The following KIAA1217 variants were observed in gnomAD, a reference collection of about 807,000 sequenced individuals.
The protein encoded by KIAA1217 is KIAA1217, also known as sickle tail protein homolog.
KIAA1217 carries 88 observed loss-of-function variants against 163.9 expected under a neutral mutation model. The observed-to-expected ratio is 0.54, with a 90% CI of 0.45 to 0.64. KIAA1217 has a LOEUF of 0.64. Ranked by LOEUF, KIAA1217 falls within the 30% of genes least tolerant of loss-of-function variation. The pLI, the probability that KIAA1217 is intolerant of heterozygous loss-of-function variation, is 0.00. For missense variants in KIAA1217, 2,372 were observed against 2,475.0 expected, an observed-to-expected ratio of 0.96 and a Z score of 0.88; for synonymous variants, 903 against 923.1, an observed-to-expected ratio of 0.98 and a Z score of 0.39.
At chr10:24,312,142 C>A (rs2042780284) in intron 2 of KIAA1217, among the ~76,000 whole-genome samples, 1 of 152,150 alleles carries the variant, frequency 6.6e-6, no homozygotes, top group Non-Finnish European at 1.5e-5. Context: ...GAGATGCCTG[C>A]TCTCTCCCTG....
intron 1 of KIAA1217, among the ~76,000 whole-genome samples, chr10:23,989,486 G>T (rs549421076): frequency 6.6e-6 from 1 of 152,302 alleles, no homozygotes; most frequent in South Asian, 2.1e-4. Flanking sequence ...TGTGTGTTCA[G>T]ATTCTCCTTG....
chr10:23,802,490 C>T (rs756246212), intron 1 of KIAA1217, among the ~76,000 whole-genome samples: 33 of 152,164 alleles, frequency 2.2e-4, no homozygotes, highest in Non-Finnish European at 3.5e-4. Flanking sequence ...AAATTGTACA[C>T]CCAGGTGTCT....
At chr10:24,449,454 C>T (rs770717907) in intron 5 of KIAA1217, 2 of 985,200 alleles carry the variant, frequency 2.0e-6, no homozygotes, top group Non-Finnish European at 2.4e-6. Flanking sequence ...AAACATTTCT[C>T]GTTAGTTCAG....
chr10:23,918,763 C>T (rs1339218981), intron 1 of KIAA1217, among the ~76,000 whole-genome samples: 1 of 151,756 alleles, frequency 6.6e-6, no homozygotes, highest in African/African-American at 2.4e-5. Flanking sequence ...CACACACACA[C>T]ACATATATAG....
At chr10:24,278,465 T>C (rs2077545485) in intron 2 of KIAA1217, among the ~76,000 whole-genome samples, 4 of 152,230 alleles carry the variant, frequency 2.6e-5, no homozygotes, top group Admixed American at 2.6e-4. Context: ...AATACAGAGC[T>C]TGCAGAGTTG....
chr10:24,116,139 T>C (rs1253553235), intron 2 of KIAA1217, among the ~76,000 whole-genome samples: 1 of 152,104 alleles, frequency 6.6e-6, no homozygotes, highest in Non-Finnish European at 1.5e-5. Flanking sequence ...CCCCCTGGGA[T>C]CTTGGGGGTT....
chr10:24,103,511 A>G (rs1327319056), intron 2 of KIAA1217, among the ~76,000 whole-genome samples: 1 of 152,216 alleles, frequency 6.6e-6, no homozygotes, highest in African/African-American at 2.4e-5. Flanking sequence ...CTGAAAAAGG[A>G]CTATTATATA....
intron 1 of KIAA1217, among the ~76,000 whole-genome samples, chr10:23,884,870 C>A (rs1564505848): frequency 6.6e-6 from 1 of 151,864 alleles, no homozygotes; most frequent in Non-Finnish European, 1.5e-5. Context: ...TGGTAATTCC[C>A]AGTTGTCAAT....
In KIAA1217 at chr10:24,487,944, A is replaced by G. The variant is rs2065617148; in HGVS notation, c.1680-6556A>G. 2.6e-5 allele frequency among the ~76,000 whole-genome samples: 4 copies of G among 152,226 alleles called. 1 individual carries two copies. Among genetic ancestry groups the G allele is most frequent in the Admixed American group, 2.0e-4 (3 of 15,282 alleles). On this transcript the variant is annotated intron_variant, in intron 6 of 20. Coordinates refer to ENST00000376454, the MANE Select transcript of KIAA1217 (RefSeq NM_019590.5). The stretch of plus-strand genomic sequence containing the variant: ...AAGGCTGAAAAATAGCCCAGATGCA[A>G]TGGGGTTCAGTTGGGATAATGTTGA...
chr10:23,872,546 C>T, intron 1 of KIAA1217, among the ~76,000 whole-genome samples: 1 of 152,080 alleles, frequency 6.6e-6, no homozygotes, highest in East Asian at 1.9e-4. Flanking sequence ...TATATCTCCA[C>T]TAGCTGGTGT....
intron 9 of KIAA1217, among the ~76,000 whole-genome samples, chr10:24,511,957 T>C (rs74122815): frequency 0.11 from 16,499 of 152,154 alleles, 1,354 homozygotes; most frequent in African/African-American, 0.24. Context: ...GAGATATTAC[T>C]ACCCCTTTTT....
intron 4 of KIAA1217, among the ~76,000 whole-genome samples, chr10:24,435,002 C>A (rs192795250): frequency 5.5e-4 from 84 of 152,290 alleles, no homozygotes; most frequent in African/African-American, 1.8e-3. Context: ...TGAGTCCACA[C>A]CCTGGGGGGA....
In KIAA1217 at chr10:24,534,881, CAA is replaced by C. The variant is rs71506838; in HGVS notation, c.3414+1665_3414+1666del. Among the ~76,000 whole-genome samples, 238 of 71,836 alleles carry C rather than the reference CAA, an allele frequency of 3.3e-3. 1 individual carries two copies. Among genetic ancestry groups the C allele is most frequent in the African/African-American group, 9.4e-3 (169 of 17,978 alleles). 47.1% of individuals were successfully genotyped at this position (71,836 alleles called of 152,430 possible). On this transcript the variant is annotated intron_variant, in intron 16 of 20. Transcript: ENST00000376454. ...GGGTGACAAGAGTGAAACTCTGTCT[CAA>C]AAAAAAAAAAAAAAAAAAAAGCGTG...
At chr10:24,458,839 G>A (rs1214035510) in intron 5 of KIAA1217, among the ~76,000 whole-genome samples, 1 of 152,092 alleles carries the variant, frequency 6.6e-6, no homozygotes, top group African/African-American at 2.4e-5. Context: ...TATGATTGCT[G>A]TCCAAAGGAT....
At chr10:23,721,320 C>A (rs1242969743) in intron 1 of KIAA1217, among the ~76,000 whole-genome samples, 1 of 152,112 alleles carries the variant, frequency 6.6e-6, no homozygotes, top group Non-Finnish European at 1.5e-5. Context: ...CTTCTTGCTC[C>A]CAGTATTATT....
intron 2 of KIAA1217, among the ~76,000 whole-genome samples, chr10:24,286,642 C>G (rs958246058): frequency 6.6e-6 from 1 of 152,108 alleles, no homozygotes; most frequent in African/African-American, 2.4e-5. Context: ...CCTTTATATT[C>G]TCTTCATCCT....
chr10:23,751,572 T>A (rs1269153452), intron 1 of KIAA1217, among the ~76,000 whole-genome samples: 1 of 151,954 alleles, frequency 6.6e-6, no homozygotes, highest in African/African-American at 2.4e-5. Context: ...TCTTCCCTAG[T>A]CCCCTTGAAC....
intron 6 of KIAA1217, 105 bp from the exon 7 acceptor site, chr10:24,494,395 G>C (rs947074807): frequency 6.9e-6 from 6 of 871,256 alleles, no homozygotes; most frequent in African/African-American, 5.1e-5. Flanking sequence ...GAACTTCCAC[G>C]GCCTTCTAGG....
intron 2 of KIAA1217, among the ~76,000 whole-genome samples, chr10:24,335,441 T>C (rs75803605): frequency 0.013 from 2,014 of 151,732 alleles, 40 homozygotes; most frequent in East Asian, 0.086. Context: ...TACAGGCAGG[T>C]ACCACCACAC....
Sources: gnomAD v4.1 joint callset for allele counts (sites outside exome capture counted in the v4.1 genomes callset) on GRCh38, gnomAD v4.1.1 for gene constraint, MANE v1.5 for transcripts, NCBI Gene and HGNC (gene_info 2026-07-23, HGNC 2026-07-21) for gene names.